Variants in EPHA7 observed in about 807,000 individuals in gnomAD.
EPHA7 encodes ephrin type-A receptor 7.
Under a neutral mutation model 112.6 loss-of-function variants are expected in EPHA7, and 25 were observed. The ratio of observed to expected loss-of-function variants is 0.22; its 90% CI spans 0.16 to 0.31. The LOEUF is 0.31. EPHA7 is among the 10% of genes least tolerant of loss of function. EPHA7 has a pLI of 1.00. For missense variants in EPHA7, 962 were observed against 1,212.6 expected (o/e 0.79, Z 3.07); for synonymous variants, 437 against 406.5 (o/e 1.07, Z -0.90).
At chr6:93,329,994 A>C (rs1297471570) in intron 5 of EPHA7, among the ~76,000 whole-genome samples, 1 of 151,446 alleles carries the variant, frequency 6.6e-6, no homozygotes, top group Non-Finnish European at 1.5e-5. Flanking sequence ...AAGAAAAACT[A>C]TATTTTGGAG....
chr6:93,283,679 C>G (rs1338552762), intron 5 of EPHA7, among the ~76,000 whole-genome samples: 1 of 152,136 alleles, frequency 6.6e-6, no homozygotes, highest in African/African-American at 2.4e-5. Flanking sequence ...AAGGAAGAAA[C>G]TCCAAACACA....
At chr6:93,374,443 A>G (rs2127963624) in intron 3 of EPHA7, among the ~76,000 whole-genome samples, 1 of 152,344 alleles carries the variant, frequency 6.6e-6, no homozygotes, top group South Asian at 2.1e-4. Flanking sequence ...TAAATGTAGA[A>G]GTGTCAAATA....
intron 9 of EPHA7, among the ~76,000 whole-genome samples, chr6:93,261,500 C>T (rs1172829204): frequency 6.6e-6 from 1 of 151,360 alleles, no homozygotes; most frequent in African/African-American, 2.4e-5. Flanking sequence ...GACAAGAAAA[C>T]ATATCCTTGG....
chr6:93,335,595 C>T lies in EPHA7; in HGVS notation c.1324+21122G>A, dbSNP rs538301153. On this transcript the variant is annotated intron_variant, in intron 5 of 16. Coordinates refer to ENST00000369303, the MANE Select transcript of EPHA7 (RefSeq NM_004440.4). Reference sequence around the variant, plus strand: ...TAGAATAGTAGTGGGAAAATAGGAGCAAAAAGGAATAACCTGTTAGACCCA... The same window carrying T: ...TAGAATAGTAGTGGGAAAATAGGAGTAAAAAGGAATAACCTGTTAGACCCA... Among the ~76,000 whole-genome samples, 184 of 151,816 alleles carry T rather than the reference C, an allele frequency of 1.2e-3. 1 individual carries two copies. The highest frequency in any genetic ancestry group is 0.01 in the Middle Eastern group (3 of 294).
chr6:93,272,276 T>G, intron 6 of EPHA7, 22 bp downstream of exon 6: 1 of 1,610,524 alleles, frequency 6.2e-7, no homozygotes, highest in Non-Finnish European at 8.5e-7. Flanking sequence ...CATTGTACAT[T>G]TCAGTTGCTC....
intron 5 of EPHA7, among the ~76,000 whole-genome samples, chr6:93,308,865 T>C (rs1456604844): frequency 6.6e-6 from 1 of 152,150 alleles, no homozygotes; most frequent in Non-Finnish European, 1.5e-5. Flanking sequence ...TGTTAAGCTA[T>C]ATAGTTAAGA....
Position 93,410,295 on chromosome 6 carries a change from T to C in EPHA7, c.832+206A>G. The C allele has an allele frequency of 1.8e-6, 1 of 555,646 alleles. No individual in the cohort carries two copies. The allele number at this position is 555,646 out of a possible 1,614,324, so 34.4% of individuals were successfully genotyped here. On this transcript the variant is annotated intron_variant, in intron 3 of 16. Coordinates refer to ENST00000369303, the MANE Select transcript of EPHA7 (RefSeq NM_004440.4). The surrounding 1 kb of genome is among the most constrained non-coding windows in gnomAD (Gnocchi z 4.0). ...CATTAAATTTTAGTAACAAATTTCA[T>C]TATCACCTATATTGATTACATACAC... is the stretch of plus-strand genomic sequence containing the variant.
intron 7 of EPHA7, among the ~76,000 whole-genome samples, chr6:93,265,072 G>GT (rs1012686872): frequency 6.6e-6 from 1 of 151,532 alleles, no homozygotes; most frequent in Admixed American, 6.6e-5. Context: ...TTTGTGTCTT[G>GT]TTTTTTGGTA....
At chr6:93,394,397 C>A (rs752379335) in intron 3 of EPHA7, among the ~76,000 whole-genome samples, 39 of 151,538 alleles carry the variant, frequency 2.6e-4, no homozygotes, top group South Asian at 1.5e-3. Context: ...CAGATAATTT[C>A]TCTGTGGTCT....
intron 5 of EPHA7, among the ~76,000 whole-genome samples, chr6:93,355,556 G>A (rs1387312340): frequency 6.6e-6 from 1 of 152,128 alleles, no homozygotes. Context: ...GTAAAGGCCC[G>A]ATTTTAATAT....
chr6:93,367,624 C>A (rs991627389), intron 3 of EPHA7, among the ~76,000 whole-genome samples: 2 of 152,132 alleles, frequency 1.3e-5, no homozygotes, highest in Non-Finnish European at 2.9e-5. Flanking sequence ...AGAACACACA[C>A]ACACACAAAT....
chr6:93,369,207 CA>C (rs1562130710), intron 3 of EPHA7, among the ~76,000 whole-genome samples: 15 of 151,634 alleles, frequency 9.9e-5, no homozygotes, highest in African/African-American at 3.6e-4. Flanking sequence ...CACACACACA[CA>C]CACACACACT....
intron 5 of EPHA7, among the ~76,000 whole-genome samples, chr6:93,319,531 G>A (rs1773966659): frequency 6.6e-6 from 1 of 152,114 alleles, no homozygotes; most frequent in South Asian, 2.1e-4. Context: ...ATCACATAAA[G>A]CCTGGCAGAC....
intron 5 of EPHA7, among the ~76,000 whole-genome samples, chr6:93,309,508 T>A (rs1773423945): frequency 6.6e-6 from 1 of 152,156 alleles, no homozygotes; most frequent in Non-Finnish European, 1.5e-5. Context: ...TAATGACTTA[T>A]AAAGACATTT....
At chr6:93,262,091 G>A (rs2127864594) in intron 9 of EPHA7, among the ~76,000 whole-genome samples, 1 of 151,576 alleles carries the variant, frequency 6.6e-6, no homozygotes, top group East Asian at 1.9e-4. Flanking sequence ...GGCAGGACCA[G>A]GGATTTCAGG....
chr6:93,380,043 A>T (rs1582631970), intron 3 of EPHA7, among the ~76,000 whole-genome samples: 1 of 152,218 alleles, frequency 6.6e-6, no homozygotes, highest in Middle Eastern at 3.4e-3. Context: ...CTGATTTAGT[A>T]TGAAGAATCT....
intron 5 of EPHA7, among the ~76,000 whole-genome samples, chr6:93,316,031 T>C (rs1474322942): frequency 6.6e-6 from 1 of 152,170 alleles, no homozygotes; most frequent in African/African-American, 2.4e-5. Flanking sequence ...TCCTATGTTT[T>C]TGAAAGTGAT....
intron 3 of EPHA7, among the ~76,000 whole-genome samples, chr6:93,394,304 T>C (rs1438789543): frequency 6.6e-6 from 1 of 151,684 alleles, no homozygotes; most frequent in Non-Finnish European, 1.5e-5. Context: ...TTTATATATA[T>C]ATATCATAAC....
chr6:93,308,298 A>G (rs1773360131), intron 5 of EPHA7, among the ~76,000 whole-genome samples: 1 of 152,286 alleles, frequency 6.6e-6, no homozygotes, highest in East Asian at 1.9e-4. Context: ...AGGCTTTTCA[A>G]CACCTGCTCT....
Sources: gnomAD v4.1 joint callset for allele counts (sites outside exome capture counted in the v4.1 genomes callset) on GRCh38, gnomAD v4.1.1 for gene constraint, Gnocchi (gnomAD v3.1) non-coding constraint, MANE v1.5 for transcripts, NCBI Gene and HGNC (gene_info 2026-07-23, HGNC 2026-07-21) for gene names.